The following MCC variants were observed in gnomAD, a reference collection of about 807,000 sequenced individuals.
MCC encodes MCC regulator of Wnt signaling pathway.
A neutral mutation model predicts 116.2 loss-of-function variants in MCC; 90 were observed. The observed-to-expected ratio is 0.77, with a 90% CI of 0.65 to 0.92. MCC has a LOEUF of 0.92. MCC is among the 40% of genes least tolerant of loss of function. The pLI is 0.00. For missense variants in MCC, 1,516 were observed against 1,312.2 expected, an observed-to-expected ratio of 1.16 and a Z score of -2.40; for synonymous variants, 578 against 510.5, an observed-to-expected ratio of 1.13 and a Z score of -1.78.
chr5:113,196,221 G>A (rs1391703250), intron 3 of MCC, among the ~76,000 whole-genome samples: 1 of 152,218 alleles, frequency 6.6e-6, no homozygotes, highest in Non-Finnish European at 1.5e-5. Flanking sequence ...AACACCTAGT[G>A]CTGGGTTTTA....
intron 3 of MCC, among the ~76,000 whole-genome samples, chr5:113,257,923 G>A (rs991978050): frequency 3.9e-5 from 6 of 152,188 alleles, no homozygotes; most frequent in Non-Finnish European, 5.9e-5. Flanking sequence ...CAGATGGATA[G>A]ATGGTAGCAG....
At chr5:113,323,089 G>A (rs994420666) in intron 3 of MCC, 2 of 152,328 alleles carry the variant, frequency 1.3e-5, no homozygotes, top group African/African-American at 4.8e-5. Context: ...ACATCATGAG[G>A]AACTAACCAA....
chr5:113,117,243 A>G (rs1253616842), intron 6 of MCC, among the ~76,000 whole-genome samples: 1 of 152,206 alleles, frequency 6.6e-6, no homozygotes, highest in African/African-American at 2.4e-5. Context: ...TCCTGAAGCC[A>G]TTAAGCCTCA....
rs147987372 is a variant in MCC, at chr5:113,197,834, C to G, written c.628-46412G>C. On this transcript the variant is annotated intron_variant, in intron 3 of 18. Coordinates refer to ENST00000408903, the MANE Select transcript of MCC (RefSeq NM_001085377.2). ...AGCCAGGACTTGAGCCCAAGGTGGCCAACTCCAGAGCCTGTGCTCTGTGCA... is the reference window on the plus strand; with the variant it reads ...AGCCAGGACTTGAGCCCAAGGTGGCGAACTCCAGAGCCTGTGCTCTGTGCA... Among the ~76,000 whole-genome samples the G allele has an allele frequency of 1.2e-3, 189 of 152,322 alleles. 1 individual carries two copies. Among genetic ancestry groups the G allele is most frequent in the Non-Finnish European group, 2.2e-3 (150 of 68,022 alleles).
intron 3 of MCC, among the ~76,000 whole-genome samples, chr5:113,203,628 T>G (rs971336654): frequency 5.3e-5 from 8 of 152,212 alleles, no homozygotes; most frequent in African/African-American, 1.9e-4. Flanking sequence ...TTTGTGGCTT[T>G]AACAAAGCAA....
chr5:113,379,642 AT>A (rs1223787525), intron 2 of MCC, among the ~76,000 whole-genome samples: 2 of 152,196 alleles, frequency 1.3e-5, no homozygotes, highest in Admixed American at 6.5e-5. Flanking sequence ...CATTTGTATT[AT>A]TGCTACAAGT....
intron 3 of MCC, among the ~76,000 whole-genome samples, chr5:113,227,128 G>C (rs1763770664): frequency 6.6e-6 from 1 of 152,128 alleles, no homozygotes; most frequent in African/African-American, 2.4e-5. Flanking sequence ...CTAATTAAGT[G>C]ACTTTGTTTA....
At position 113,027,474 on chromosome 5, in the gene MCC, A is replaced by C. The variant is rs202148000; in HGVS notation, c.2888T>G (p.Val963Gly). ...TTTCTTTGCTTTCTCATAGGCAGCC[A>C]CCAGGTTGCTAGGTGGGAATGAAGG... is the stretch of plus-strand genomic sequence containing the variant. ...NDLKRANSNL[V>G]AAYEKAKKKH... The change falls in exon 19 of 19, where the codon GTG becomes GGG. Residue 963 changes from valine (V) to glycine (G), a missense_variant. Val to Gly is a moderately radical substitution (Grantham distance 109). Coordinates refer to ENST00000408903, the MANE Select transcript of MCC (RefSeq NM_001085377.2). 5.0e-6 allele frequency: 8 copies of C among 1,614,014 alleles called. No homozygotes were observed. The highest frequency in any genetic ancestry group is 6.8e-6 in the Non-Finnish European group (8 of 1,180,010).
intron 1 of MCC, among the ~76,000 whole-genome samples, chr5:113,481,547 G>C (rs1413149682): frequency 6.6e-6 from 1 of 152,004 alleles, no homozygotes; most frequent in East Asian, 1.9e-4. Context: ...GACCAGCCTG[G>C]CCAACATGGT....
intron 3 of MCC, among the ~76,000 whole-genome samples, chr5:113,285,286 C>T (rs757153599): frequency 6.6e-6 from 1 of 152,060 alleles, no homozygotes; most frequent in African/African-American, 2.4e-5. Flanking sequence ...CAGAACACAA[C>T]TTTCCAGGCC....
chr5:113,077,271 T>C (rs891961992), intron 11 of MCC, among the ~76,000 whole-genome samples: 2 of 152,064 alleles, frequency 1.3e-5, no homozygotes, highest in African/African-American at 2.4e-5. Flanking sequence ...AACAAGGATA[T>C]CCAGGAATTG....
chr5:113,473,798 C>A (rs899712678), intron 1 of MCC, among the ~76,000 whole-genome samples: 4 of 152,158 alleles, frequency 2.6e-5, no homozygotes, highest in African/African-American at 9.7e-5. Flanking sequence ...TCATAAACAA[C>A]CAGACAGCTG....
chr5:113,149,785 G>C (rs1007560068), intron 4 of MCC, among the ~76,000 whole-genome samples: 5 of 152,072 alleles, frequency 3.3e-5, no homozygotes, highest in African/African-American at 9.7e-5. Context: ...GTGTGCCATT[G>C]AACAACAAAA....
intron 3 of MCC, among the ~76,000 whole-genome samples, chr5:113,158,470 G>C (rs1003067108): frequency 6.6e-6 from 1 of 152,212 alleles, no homozygotes; most frequent in Admixed American, 6.5e-5. Context: ...GAAAGGCAGT[G>C]TCAAATCCCA....
At position 113,034,276 on chromosome 5, in the gene MCC, G is replaced by T. The variant is rs372138453; in HGVS notation, c.2757-5220C>A. ...ACACAGGGAATTAAGAGGCAGCCTCGTGGTGTGAATTTAAAGGTAATATGA... is the reference window on the plus strand; with the variant it reads ...ACACAGGGAATTAAGAGGCAGCCTCTTGGTGTGAATTTAAAGGTAATATGA... On this transcript the variant is annotated intron_variant, in intron 17 of 18. Coordinates refer to ENST00000408903, the MANE Select transcript of MCC (RefSeq NM_001085377.2). 1.2e-3 allele frequency among the ~76,000 whole-genome samples: 179 copies of T among 152,286 alleles called. 1 individual carries two copies. The highest frequency in any genetic ancestry group is 4.2e-3 in the African/African-American group (173 of 41,564).
chr5:113,439,515 G>C (rs1770968168), intron 1 of MCC, among the ~76,000 whole-genome samples: 1 of 152,186 alleles, frequency 6.6e-6, no homozygotes, highest in African/African-American at 2.4e-5. Context: ...AACATGGTCA[G>C]TACCCTCAGA....
chr5:113,446,111 G>A (rs1016904780), intron 1 of MCC, among the ~76,000 whole-genome samples: 3 of 152,120 alleles, frequency 2.0e-5, no homozygotes, highest in Non-Finnish European at 4.4e-5. Flanking sequence ...ATGGATTACA[G>A]TTTTAAATGT....
At chr5:113,362,711 C>A (rs911209772) in intron 2 of MCC, among the ~76,000 whole-genome samples, 5 of 151,932 alleles carry the variant, frequency 3.3e-5, no homozygotes, top group African/African-American at 1.2e-4. Flanking sequence ...TAATACTTCA[C>A]CATTTAAAAA....
chr5:113,080,061 A>G (rs1754742695), intron 11 of MCC, among the ~76,000 whole-genome samples: 1 of 152,256 alleles, frequency 6.6e-6, no homozygotes. Context: ...AATGCTCAGC[A>G]TCACTGGCCA....
Sources: gnomAD v4.1 joint callset for allele counts (sites outside exome capture counted in the v4.1 genomes callset) on GRCh38, gnomAD v4.1.1 for gene constraint, MANE v1.5 for transcripts, NCBI Gene and HGNC (gene_info 2026-07-23, HGNC 2026-07-21) for gene names.